Variants in OXNAD1 observed in about 807,000 individuals in gnomAD.
The protein encoded by OXNAD1 is oxidoreductase NAD binding domain containing 1.
A neutral mutation model predicts 32.9 loss-of-function variants in OXNAD1; 34 were observed. That is an observed-to-expected ratio of 1.03 (90% CI 0.79 to 1.38). The LOEUF is 1.38. OXNAD1 is among the 40% of genes most tolerant of loss of function. The pLI is 0.00. For missense variants in OXNAD1, 407 were observed against 379.4 expected (o/e 1.07, Z -0.60); for synonymous variants, 134 against 135.2 (o/e 0.99, Z 0.06).
rs1057309308 is a variant in OXNAD1, at chr3:16,344,086, T to A, written c.*31-5090T>A. Among the ~76,000 whole-genome samples the A allele has an allele frequency of 6.6e-6, 1 of 152,202 alleles. No homozygotes were observed. Among genetic ancestry groups the A allele is most frequent in the African/African-American group, 2.4e-5 (1 of 41,448 alleles). ...CACTTGGAGGGAAGCAGTAGAGACA[T>A]TCTTGGCCTGTATTAACTCTTTTTC... On this transcript the variant is annotated intron_variant, in intron 9 of 9. Coordinates refer to the OXNAD1 transcript ENST00000606098. This position sits in a 1 kb window ranked among gnomAD's most constrained non-coding sequence, Gnocchi z 4.4.
Position 16,327,860 on chromosome 3 carries a change from T to A in OXNAD1, c.*31-9252T>A, listed in dbSNP as rs1432108208. On this transcript the variant is annotated intron_variant, in intron 9 of 9. Transcript: ENST00000435829. This position sits in a 1 kb window ranked among gnomAD's most constrained non-coding sequence, Gnocchi z 4.2. ...GCACTGGCTTCCACCTCTGCAGGCG[T>A]TCTCACTGCAACAGGCCTCATTTCT... Among the ~76,000 whole-genome samples, 1 of 152,116 alleles carries A rather than the reference T, an allele frequency of 6.6e-6. No homozygotes were observed. Among genetic ancestry groups the A allele is most frequent in the African/African-American group, 2.4e-5 (1 of 41,420 alleles).
intron 4 of OXNAD1, among the ~76,000 whole-genome samples, chr3:16,278,153 C>G (rs893168295): frequency 1.3e-5 from 2 of 152,030 alleles, no homozygotes; most frequent in African/African-American, 4.8e-5. Context: ...TGTGCCAGAC[C>G]CTGGGCCAGA....
rs1429987155 is a variant in OXNAD1 at position 16,280,195 on chromosome 3, C to G, written c.184-6147C>G. ...TACATGTTACATGAGGTGGGAGATCCTAGAGCTCGTGTGTTCTGATGGGGA... is the reference window on the plus strand; with the variant it reads ...TACATGTTACATGAGGTGGGAGATCGTAGAGCTCGTGTGTTCTGATGGGGA... On this transcript the variant is annotated intron_variant, in intron 4 of 8. Coordinates refer to ENST00000285083, the MANE Select transcript of OXNAD1 (RefSeq NM_138381.5). This position sits in a 1 kb window ranked among gnomAD's most constrained non-coding sequence, Gnocchi z 4.5. Among the ~76,000 whole-genome samples, 2 of 152,002 alleles carry G rather than the reference C, an allele frequency of 1.3e-5. No homozygotes were observed. The highest frequency in any genetic ancestry group is 2.9e-5 in the Non-Finnish European group (2 of 67,978).
intron 9 of OXNAD1, among the ~76,000 whole-genome samples, chr3:16,323,743 T>C (rs1050545613): frequency 1.3e-5 from 2 of 152,190 alleles, no homozygotes; most frequent in Admixed American, 6.5e-5. Flanking sequence ...TGGCCAAATG[T>C]GGACACACTG....
chr3:16,330,672 C>T (rs538178848), intron 9 of OXNAD1, among the ~76,000 whole-genome samples: 3 of 152,326 alleles, frequency 2.0e-5, no homozygotes, highest in Admixed American at 6.5e-5. Flanking sequence ...TGTGGTTTTT[C>T]AACTCGTATA....
rs376237487 is a variant in OXNAD1, at chr3:16,328,311, G to C, written c.*31-8801G>C. On this transcript the variant is annotated intron_variant, in intron 9 of 9. Transcript: ENST00000435829. Reference sequence around the variant, plus strand: ...TCGGCTTAACTCAGAGGCAGCGCGCGTGACCATGGTCTGGAGTGCTCCACT... The same window carrying C: ...TCGGCTTAACTCAGAGGCAGCGCGCCTGACCATGGTCTGGAGTGCTCCACT... Among the ~76,000 whole-genome samples, 11 of 152,342 alleles carry C rather than the reference G, an allele frequency of 7.2e-5. No individual in the cohort carries two copies. The South Asian group carries it at 2.3e-3, about 32-fold the overall frequency.
chr3:16,286,442 G>T lies in OXNAD1; in HGVS notation c.284G>T (p.Gly95Val), dbSNP rs764596400. ...GATCAAGACTTTTCCTTTAAAGCTG[G>T]CCAGTGGTAAGTGACTTTTCTGTGT... ...VADQDFSFKA[G>V]QWVDFFIPGV... The change falls in exon 5 of 9, where the codon GGC (glycine) becomes GTC (valine). Residue 95 changes from glycine to valine, a missense_variant. Coordinates refer to ENST00000285083, the MANE Select transcript of OXNAD1 (RefSeq NM_138381.5). 6.2e-7 allele frequency: 1 copy of T among 1,613,526 alleles called. No individual in the cohort carries two copies. The highest frequency in any genetic ancestry group is 1.1e-5 in the South Asian group (1 of 91,072).
At chr3:16,279,985 A>G (rs577892302) in intron 4 of OXNAD1, among the ~76,000 whole-genome samples, 1 of 152,356 alleles carries the variant, frequency 6.6e-6, no homozygotes, top group South Asian at 2.1e-4. Flanking sequence ...AGCAAAGACC[A>G]CAAGTGCCTG....
chr3:16,296,136 G>T (rs140407422), intron 6 of OXNAD1, among the ~76,000 whole-genome samples: 33 of 152,302 alleles, frequency 2.2e-4, no homozygotes, highest in African/African-American at 7.7e-4. Context: ...GAGAAGGCAC[G>T]CAAAGAATCA....
intron 5 of OXNAD1, among the ~76,000 whole-genome samples, chr3:16,293,389 T>A (rs1045022187): frequency 1.3e-5 from 2 of 152,238 alleles, no homozygotes; most frequent in Admixed American, 6.5e-5. Flanking sequence ...TGCAAACTTA[T>A]TTGAATTTAT....
At chr3:16,330,652 G>T (rs1393335576) in intron 9 of OXNAD1, among the ~76,000 whole-genome samples, 2 of 152,214 alleles carry the variant, frequency 1.3e-5, no homozygotes, top group Non-Finnish European at 2.9e-5. Context: ...TTAAAAAATG[G>T]AGCATGTCCT....
In OXNAD1 at chr3:16,345,882, T is replaced by C. The variant is rs1193908410; in HGVS notation, c.*31-3294T>C. 6.6e-6 allele frequency: 1 copy of C among 151,696 alleles called. No individual in the cohort carries two copies. The highest frequency in any genetic ancestry group is 2.4e-5 in the African/African-American group (1 of 41,266). 9.4% of individuals were successfully genotyped at this position (151,696 alleles called of 1,614,324 possible). A position where few individuals can be genotyped will look rare whatever the true frequency, so the allele number is the denominator to read the frequency against. The stretch of plus-strand genomic sequence containing the variant: ...TGTGTATAATCTCCTACTGGTTCTG[T>C]TTTACTGGAGAACCCTAATACACTT... On this transcript the variant is annotated intron_variant, in intron 9 of 9. Coordinates refer to the OXNAD1 transcript ENST00000606098. This position sits in a 1 kb window ranked among gnomAD's most constrained non-coding sequence, Gnocchi z 5.2.
rs2124973504 is a variant in OXNAD1 at position 16,271,133 on chromosome 3, T to C, written c.119+62T>C. The C allele has an allele frequency of 6.3e-7, 1 of 1,580,830 alleles. No homozygotes were observed. Among genetic ancestry groups the C allele is most frequent in the Non-Finnish European group, 8.6e-7 (1 of 1,157,504 alleles). ...TTTTCAAAGAGACCCGACCTGCTGA[T>C]GGTTGTGGGAGGCATATCAAACTCC... On this transcript the variant is annotated intron_variant, in intron 3 of 8. Coordinates refer to ENST00000285083, the MANE Select transcript of OXNAD1 (RefSeq NM_138381.5). This position sits in a 1 kb window ranked among gnomAD's most constrained non-coding sequence, Gnocchi z 4.6.
At position 16,314,305 on chromosome 3, in the gene OXNAD1, A is replaced by T. The variant is rs2068182524; in HGVS notation, c.*30+10713A>T. On this transcript the variant is annotated intron_variant, in intron 9 of 9. Coordinates refer to the OXNAD1 transcript ENST00000435829. This position sits in a 1 kb window ranked among gnomAD's most constrained non-coding sequence, Gnocchi z 4.4. ...AGAAATGCCTCCACTTGAAATGTACATGCAGGATGTTGAGAATGGATTTTA... is the reference window on the plus strand; with the variant it reads ...AGAAATGCCTCCACTTGAAATGTACTTGCAGGATGTTGAGAATGGATTTTA... 1 of 152,188 alleles carries T rather than the reference A, an allele frequency of 6.6e-6. No homozygotes were observed. The highest frequency in any genetic ancestry group is 2.4e-5 in the African/African-American group (1 of 41,438). 9.4% of individuals were successfully genotyped at this position (152,188 alleles called of 1,614,324 possible). A position where few individuals can be genotyped will look rare whatever the true frequency, so the allele number is the denominator to read the frequency against.
intron 5 of OXNAD1, among the ~76,000 whole-genome samples, chr3:16,291,279 A>G (rs1440832835): frequency 6.6e-6 from 1 of 152,156 alleles, no homozygotes; most frequent in Non-Finnish European, 1.5e-5. Context: ...GTTGAGATAT[A>G]TTCATATAAA....
intron 4 of OXNAD1, chr3:16,275,544 G>T (rs146299414): frequency 6.5e-6 from 1 of 152,892 alleles, no homozygotes; most frequent in Non-Finnish European, 1.5e-5. Flanking sequence ...ACTCCAGCCT[G>T]TGTGGCAGAG....
chr3:16,290,101 C>CT lies in OXNAD1; in HGVS notation c.290+3656dup, dbSNP rs1471797821. On this transcript the variant is annotated intron_variant, in intron 5 of 8. Transcript: ENST00000285083. This position sits in a 1 kb window ranked among gnomAD's most constrained non-coding sequence, Gnocchi z 4.2. ...GCTGTGTGCTTGGCACTGGGGCTCC[C>CT]TTTGTGGACAGGACCTGGCTGCCTG... Among the ~76,000 whole-genome samples the CT allele has an allele frequency of 2.0e-5, 3 of 152,146 alleles. No homozygotes were observed. Among genetic ancestry groups the CT allele is most frequent in the African/African-American group, 7.2e-5 (3 of 41,420 alleles).
rs1202856032 is a variant in OXNAD1 at position 16,287,662 on chromosome 3, A to G, written c.290+1214A>G. On this transcript the variant is annotated intron_variant, in intron 5 of 8. Transcript: ENST00000285083. The surrounding 1 kb of genome is among the most constrained non-coding windows in gnomAD (Gnocchi z 4.8). ...CGTGCCTTCAACTCTGAATCCTGCC[A>G]AGACTCAGACCCAGCCTCCTGGTTA... is the stretch of plus-strand genomic sequence containing the variant. Among the ~76,000 whole-genome samples the G allele has an allele frequency of 6.6e-6, 1 of 152,202 alleles. No homozygotes were observed. The highest frequency in any genetic ancestry group is 1.5e-5 in the Non-Finnish European group (1 of 68,040).
rs2070868336 is a variant in OXNAD1 at position 16,336,537 on chromosome 3, T to C, written c.*31-575T>C. On this transcript the variant is annotated intron_variant, in intron 9 of 9. Coordinates refer to the OXNAD1 transcript ENST00000435829. The surrounding 1 kb of genome is among the most constrained non-coding windows in gnomAD (Gnocchi z 6.0). ...CCGGCTAGAGATGTTGTTTTCTCCT[T>C]TGTTTTATGCACAATGCCCCAGAAA... is the stretch of plus-strand genomic sequence containing the variant. 6.6e-6 allele frequency among the ~76,000 whole-genome samples: 1 copy of C among 152,248 alleles called. No individual in the cohort carries two copies. Among genetic ancestry groups the C allele is most frequent in the Non-Finnish European group, 1.5e-5 (1 of 68,046 alleles).
Sources: allele counts gnomAD v4.1 joint callset (sites outside exome capture counted in the v4.1 genomes callset), GRCh38; gene constraint gnomAD v4.1.1; non-coding constraint Gnocchi (gnomAD v3.1); transcripts MANE v1.5; gene names NCBI Gene and HGNC (gene_info 2026-07-23, HGNC 2026-07-21).